NEMF: variants seen among roughly 807,000 people sequenced by gnomAD.
The protein encoded by NEMF is ribosome quality control complex subunit NEMF.
A neutral mutation model predicts 162.2 loss-of-function variants in NEMF; 89 were observed. That is an observed-to-expected ratio of 0.55 (90% CI 0.46 to 0.65). The LOEUF (loss-of-function observed/expected upper bound fraction) is 0.65. Ranked by LOEUF, NEMF falls within the 30% of genes least tolerant of loss-of-function variation. The pLI is 0.00. For missense variants in NEMF, 1,133 were observed against 1,261.9 expected (o/e 0.90, Z 1.55); for synonymous variants, 421 against 404.5 (o/e 1.04, Z -0.49).
intron 18 of NEMF, among the ~76,000 whole-genome samples, chr14:49,809,114 C>T (rs1000408471): frequency 6.6e-6 from 1 of 152,190 alleles, no homozygotes; most frequent in Non-Finnish European, 1.5e-5. Context: ...AATAGACAGT[C>T]TGGTGGTTTC....
At position 49,800,568 on chromosome 14, in the gene NEMF, G is replaced by A; in HGVS notation, c.2224C>T (p.Leu742Phe). 6.2e-7 allele frequency: 1 copy of A among 1,613,820 alleles called. No homozygotes were observed. Among genetic ancestry groups the A allele is most frequent in the Non-Finnish European group, 8.5e-7 (1 of 1,179,924 alleles). Residue 742 changes from leucine (L) to phenylalanine (F), a missense_variant, in exon 23 of 33, where the codon CTC becomes TTC. Coordinates refer to ENST00000298310, the MANE Select transcript of NEMF (RefSeq NM_004713.6). ...TCTTCAGAGCTTTCTTCCTGAATGA[G>A]CTCCTCATTTAGTTCATCTCTGCCA... is the stretch of plus-strand genomic sequence containing the variant. ...QSGRDELNEE[L>F]IQEESSEDEG...
chr14:49,804,354 A>G lies in NEMF; in HGVS notation c.1858-1060T>C, dbSNP rs192485868. 2.6e-3 allele frequency among the ~76,000 whole-genome samples: 393 copies of G among 152,282 alleles called. 2 individuals carry two copies. Among genetic ancestry groups the G allele is most frequent in the African/African-American group, 8.9e-3 (368 of 41,556 alleles). On this transcript the variant is annotated intron_variant, in intron 19 of 32. Coordinates refer to ENST00000298310, the MANE Select transcript of NEMF (RefSeq NM_004713.6). ...AAAATATATCCTATTTTGGCAAAAC[A>G]GAAAGTGAGTAAACTTATCCCATAA...
At position 49,829,335 on chromosome 14, in the gene NEMF, G is replaced by A; in HGVS notation, c.1023+14C>T. The A allele has an allele frequency of 6.2e-7, 1 of 1,613,848 alleles. No homozygotes were observed. Among genetic ancestry groups the A allele is most frequent in the Non-Finnish European group, 8.5e-7 (1 of 1,179,794 alleles). On this transcript the variant is annotated intron_variant, in intron 12 of 32. Transcript: ENST00000298310. ...ACATTTTTGAAAAAGCACTGAGAAA[G>A]CCAAACATAATACCTGAGCCTGCTG...
intron 15 of NEMF, among the ~76,000 whole-genome samples, chr14:49,827,860 T>C (rs1444389898): frequency 1.3e-5 from 2 of 149,712 alleles, no homozygotes; most frequent in South Asian, 2.1e-4. Context: ...GAACAGACTG[T>C]AGTGGGAAAA....
At chr14:49,790,561 G>C (rs1890391883) in intron 26 of NEMF, among the ~76,000 whole-genome samples, 1 of 152,136 alleles carries the variant, frequency 6.6e-6, no homozygotes, top group African/African-American at 2.4e-5. Context: ...CTCATACACT[G>C]CCTGGTGGGA....
chr14:49,791,108 G>A (rs895495037), intron 26 of NEMF, among the ~76,000 whole-genome samples: 2 of 151,988 alleles, frequency 1.3e-5, no homozygotes, highest in Non-Finnish European at 2.9e-5. Flanking sequence ...GGCCGAGGCG[G>A]GTGGATCACA....
At chr14:49,846,747 A>G (rs1893523613) in intron 3 of NEMF, among the ~76,000 whole-genome samples, 1 of 151,460 alleles carries the variant, frequency 6.6e-6, no homozygotes, top group African/African-American at 2.4e-5. Flanking sequence ...TTACAAGCGT[A>G]AGCTACTGAG....
intron 28 of NEMF, 200 bp from the exon 29 acceptor site, chr14:49,786,950 C>T: frequency 1.9e-6 from 1 of 520,018 alleles, no homozygotes; most frequent in Middle Eastern, 5.2e-4. Flanking sequence ...TGTTTTATTA[C>T]TTAAGAAAGT....
At position 49,803,264 on chromosome 14, in the gene NEMF, A is replaced by C; in HGVS notation, c.1888T>G (p.Leu630Val). ...VSKTAPTGEY[L>V]TTGSFMIRGK... Reference sequence around the variant, plus strand: ...CTTATCATGAAGCTTCCTGTTGTCAAATATTCTCCAGTTGGTGCTGTTTTA... The same window carrying C: ...CTTATCATGAAGCTTCCTGTTGTCACATATTCTCCAGTTGGTGCTGTTTTA... The change falls in exon 20 of 33, where the codon TTG becomes GTG. Residue 630 changes from leucine to valine, a missense_variant. Leu to Val is a conservative substitution (Grantham distance 32, BLOSUM62 1). Coordinates refer to ENST00000298310, the MANE Select transcript of NEMF (RefSeq NM_004713.6). 6.2e-7 allele frequency: 1 copy of C among 1,610,376 alleles called. No homozygotes were observed. The highest frequency in any genetic ancestry group is 8.5e-7 in the Non-Finnish European group (1 of 1,176,880).
Position 49,832,061 on chromosome 14 carries a change from G to T in NEMF, c.872C>A (p.Ser291Ter). ...GAACGGAAAACCCACCTTGTCAAAT[G>T]ATTCAAATTCTATATATGGACATTG... ...HSQCPYIEFE[S>*]FDKAVDEFYS... The change falls in exon 10 of 33, where the codon TCA becomes TAA. Residue 291 changes from serine to a stop codon, truncating the protein, a stop_gained. Coordinates refer to ENST00000298310, the MANE Select transcript of NEMF (RefSeq NM_004713.6). LOFTEE classifies it high-confidence loss of function. 3 of 1,600,122 alleles carry T rather than the reference G, an allele frequency of 1.9e-6. No individual in the cohort carries two copies. Among genetic ancestry groups the T allele is most frequent in the African/African-American group, 1.3e-5 (1 of 74,270 alleles).
chr14:49,799,207 CAA>C (rs780442972), intron 25 of NEMF, among the ~76,000 whole-genome samples: 27 of 59,056 alleles, frequency 4.6e-4, no homozygotes, highest in African/African-American at 1.6e-3. Context: ...GACCCTGTTT[CAA>C]AAAAAAAAAA....
At chr14:49,806,785 C>T (rs1421978270) in intron 18 of NEMF, among the ~76,000 whole-genome samples, 5 of 151,988 alleles carry the variant, frequency 3.3e-5, no homozygotes, top group African/African-American at 1.2e-4. Flanking sequence ...TGAAGACTTC[C>T]AAAATTAAAA....
intron 25 of NEMF, among the ~76,000 whole-genome samples, chr14:49,796,905 T>C (rs960011244): frequency 6.6e-6 from 1 of 152,220 alleles, no homozygotes; most frequent in Non-Finnish European, 1.5e-5. Flanking sequence ...CTAATTCTCC[T>C]TGGAGTCTCC....
intron 15 of NEMF, 144 bp from the exon 16 acceptor site, chr14:49,826,099 T>C: frequency 1.9e-6 from 1 of 536,492 alleles, no homozygotes; most frequent in Non-Finnish European, 3.3e-6. Flanking sequence ...CACACACAAA[T>C]ACGCATACTT....
chr14:49,832,254 T>C lies in NEMF; in HGVS notation c.759A>G (p.Glu253=). The C allele has an allele frequency of 6.2e-7, 1 of 1,604,708 alleles. No individual in the cohort carries two copies. The highest frequency in any genetic ancestry group is 8.5e-7 in the Non-Finnish European group (1 of 1,172,020). Residue 253 remains glutamate (E), a synonymous_variant, in exon 9 of 33, where the codon GAA becomes GAG. Transcript: ENST00000298310. ...TATCTGCTTCCAAGCTTGGTTTTAT[T>C]TCTCTTTTCTGAATGATATATCCCT... ...SGKGYIIQKR[E]IKPSLEADKP...
chr14:49,829,067 T>C lies in NEMF; in HGVS notation c.1219A>G (p.Thr407Ala). 6.2e-7 allele frequency: 1 copy of C among 1,614,036 alleles called. No homozygotes were observed. Among genetic ancestry groups the C allele is most frequent in the South Asian group, 1.1e-5 (1 of 91,080 alleles). The change falls in exon 13 of 33, where the codon ACA becomes GCA. Residue 407 changes from threonine (T) to alanine (A), a missense_variant. Around this residue, in one of 3 missense-constraint regions of NEMF, gnomAD observed 582 missense variants for 631.5 expected, o/e 0.92. Coordinates refer to ENST00000298310, the MANE Select transcript of NEMF (RefSeq NM_004713.6). ...AGTCAAACTTACCTTAGCAGCATTGTAACATGGTTTGTTTGTAGTTTTAAT... is the reference window on the plus strand; with the variant it reads ...AGTCAAACTTACCTTAGCAGCATTGCAACATGGTTTGTTTGTAGTTTTAAT... ...KELKLQTNHV[T>A]MLLRNPYLLS... is the part of the protein sequence containing the mutation.
intron 5 of NEMF, 39 bp from the exon 6 acceptor site, chr14:49,838,245 A>C (rs1893005349): frequency 1.9e-6 from 3 of 1,562,018 alleles, no homozygotes; most frequent in Non-Finnish European, 2.6e-6. Context: ...CATATCTTAA[A>C]TAAACCTTAC....
At chr14:49,819,027 T>C (rs1232469055) in intron 16 of NEMF, among the ~76,000 whole-genome samples, 3 of 152,040 alleles carry the variant, frequency 2.0e-5, no homozygotes, top group Non-Finnish European at 4.4e-5. Flanking sequence ...ATATGAAAGA[T>C]GGAGACAAAA....
intron 16 of NEMF, among the ~76,000 whole-genome samples, chr14:49,824,544 C>CAG (rs376844705): frequency 8.4e-6 from 1 of 118,960 alleles, no homozygotes; most frequent in African/African-American, 3.2e-5. Flanking sequence ...AATTCCGTCT[C>CAG]AAAAAAAAAA....
Sources: gnomAD v4.1 joint callset for allele counts (sites outside exome capture counted in the v4.1 genomes callset) on GRCh38, gnomAD v4.1.1 for gene constraint, gnomAD v4.1.1 regional missense constraint, MANE v1.5 for transcripts, NCBI Gene and HGNC (gene_info 2026-07-23, HGNC 2026-07-21) for gene names.